STK32B: variants seen among roughly 807,000 people sequenced by gnomAD.
STK32B encodes the protein serine/threonine-protein kinase 32B.
Under a neutral mutation model 52.6 loss-of-function variants are expected in STK32B, and 43 were observed. That is an observed-to-expected ratio of 0.82 (90% CI 0.64 to 1.05). The LOEUF (loss-of-function observed/expected upper bound fraction) is 1.05. STK32B is among the 50% of genes least tolerant of loss of function. The pLI is 0.00. For missense variants in STK32B, 621 were observed against 534.6 expected, an observed-to-expected ratio of 1.16 and a Z score of -1.59; for synonymous variants, 238 against 204.3, an observed-to-expected ratio of 1.17 and a Z score of -1.41.
At chr4:5,341,867 T>C (rs935851131) in intron 4 of STK32B, among the ~76,000 whole-genome samples, 7 of 152,050 alleles carry the variant, frequency 4.6e-5, no homozygotes, top group Admixed American at 3.9e-4. Flanking sequence ...TAAAAATACT[T>C]TAAATTCTAG....
At chr4:5,238,661 C>A (rs958794116) in intron 3 of STK32B, among the ~76,000 whole-genome samples, 1 of 152,120 alleles carries the variant, frequency 6.6e-6, no homozygotes, top group Non-Finnish European at 1.5e-5. Flanking sequence ...TCAAATCTGG[C>A]AATTTAAAAT....
At chr4:5,448,471 C>A (rs922501856) in intron 7 of STK32B, among the ~76,000 whole-genome samples, 2 of 152,218 alleles carry the variant, frequency 1.3e-5, no homozygotes, top group Admixed American at 6.5e-5. Flanking sequence ...ACAGCAATGA[C>A]CTTGGCGAGC....
intron 11 of STK32B, among the ~76,000 whole-genome samples, chr4:5,471,798 A>G (rs902860650): frequency 1.3e-5 from 2 of 151,976 alleles, no homozygotes; most frequent in Admixed American, 6.6e-5. Context: ...AGTCATAAGG[A>G]CCCGTCTAAA....
chr4:5,335,969 C>CT (rs1560330776), intron 4 of STK32B, among the ~76,000 whole-genome samples: 1 of 151,480 alleles, frequency 6.6e-6, no homozygotes, highest in African/African-American at 2.4e-5. Flanking sequence ...ACGCAGACCT[C>CT]TTTCCCAACT....
intron 3 of STK32B, 45 bp from the exon 4 acceptor site, chr4:5,331,175 A>G: frequency 6.4e-7 from 1 of 1,553,830 alleles, no homozygotes. Context: ...GAGGGTGCTG[A>G]AGGTGCCTCC....
At chr4:5,137,112 G>T (rs1336269216) in intron 1 of STK32B, among the ~76,000 whole-genome samples, 1 of 152,198 alleles carries the variant, frequency 6.6e-6, no homozygotes, top group Admixed American at 6.5e-5. Context: ...TAGGAGACAT[G>T]ACAGAGGAGG....
chr4:5,416,298 G>T (rs773131780), intron 5 of STK32B, among the ~76,000 whole-genome samples: 18 of 151,286 alleles, frequency 1.2e-4, no homozygotes, highest in Non-Finnish European at 2.4e-4. Flanking sequence ...CACCTACTTT[G>T]TAGGTGCACC....
intron 3 of STK32B, among the ~76,000 whole-genome samples, chr4:5,174,188 T>C (rs866704763): frequency 1.3e-5 from 2 of 152,212 alleles, no homozygotes; most frequent in Admixed American, 6.5e-5. Context: ...TTTGAGCCTA[T>C]GTGTGTCTCT....
intron 4 of STK32B, among the ~76,000 whole-genome samples, chr4:5,387,842 T>A (rs1736354637): frequency 6.6e-6 from 1 of 152,204 alleles, no homozygotes; most frequent in African/African-American, 2.4e-5. Context: ...CCTCCTGGGT[T>A]CAAGTGATTC....
intron 4 of STK32B, among the ~76,000 whole-genome samples, chr4:5,385,196 G>A (rs1030411370): frequency 6.6e-6 from 1 of 152,094 alleles, no homozygotes; most frequent in African/African-American, 2.4e-5. Context: ...AGAAGAACAG[G>A]AGGGTTTAGA....
intron 3 of STK32B, among the ~76,000 whole-genome samples, chr4:5,298,786 A>G (rs1729371010): frequency 6.6e-6 from 1 of 150,780 alleles, no homozygotes; most frequent in Admixed American, 6.6e-5. Context: ...TCCCCTTTCC[A>G]GGGGAGTGAA....
At chr4:5,068,835 A>G (rs1711585603) in intron 1 of STK32B, among the ~76,000 whole-genome samples, 1 of 152,230 alleles carries the variant, frequency 6.6e-6, no homozygotes, top group Non-Finnish European at 1.5e-5. Flanking sequence ...CGGATGCAAA[A>G]CAATGATATT....
intron 4 of STK32B, among the ~76,000 whole-genome samples, chr4:5,377,882 C>G (rs1735684161): frequency 6.6e-6 from 1 of 152,190 alleles, no homozygotes; most frequent in Admixed American, 6.5e-5. Context: ...ATGAATTACC[C>G]AGTCTCTGGT....
chr4:5,367,998 G>A (rs1316559133), intron 4 of STK32B, among the ~76,000 whole-genome samples: 1 of 152,184 alleles, frequency 6.6e-6, no homozygotes, highest in South Asian at 2.1e-4. Context: ...ACCTTGAAAT[G>A]TGAGTGTGGA....
intron 4 of STK32B, among the ~76,000 whole-genome samples, chr4:5,343,184 G>A (rs550142434): frequency 3.6e-4 from 53 of 145,996 alleles, no homozygotes; most frequent in African/African-American, 1.2e-3. Flanking sequence ...CCACCTATGA[G>A]TGAGAACATG....
At chr4:5,344,990 G>A (rs1376446226) in intron 4 of STK32B, among the ~76,000 whole-genome samples, 5 of 151,720 alleles carry the variant, frequency 3.3e-5, no homozygotes, top group East Asian at 3.9e-4. Flanking sequence ...ACAGTGAGCC[G>A]TGATAGTGCT....
chr4:5,030,926 G>A, the STK32B span, among the ~76,000 whole-genome samples: 2 of 152,220 alleles, frequency 1.3e-5, no homozygotes, highest in Admixed American at 1.3e-4. Flanking sequence ...TGGAGAGAGA[G>A]AGAGAAGGCT....
chr4:5,331,851 G>C (rs1287573799), intron 4 of STK32B, among the ~76,000 whole-genome samples: 1 of 152,186 alleles, frequency 6.6e-6, no homozygotes, highest in Non-Finnish European at 1.5e-5. Flanking sequence ...TAAAAGCTCT[G>C]AGTTTCTGTA....
rs375739358 is a variant in STK32B, at chr4:5,460,118, C to T, written c.799C>T (p.Pro267Ser). The change falls in exon 9 of 12, where the codon CCT becomes TCT. Residue 267 changes from proline to serine, a missense_variant. By Grantham distance (74) the Pro-to-Ser change is moderately conservative. Transcript: ENST00000282908. The surrounding 1 kb of genome is among the most constrained non-coding windows in gnomAD (Gnocchi z 4.8). ...CTAACTGCAGCTCCTGACCAAGGAT[C>T]CTGAGAGCCGCGTGTCCAGCCTTCA... is the stretch of plus-strand genomic sequence containing the variant. ...ALLRKLLTKD[P>S]ESRVSSLHDI... The T allele has an allele frequency of 1.2e-6, 2 of 1,614,104 alleles. No individual in the cohort carries two copies. Among genetic ancestry groups the T allele is most frequent in the African/African-American group, 2.7e-5 (2 of 74,916 alleles).
Sources: allele counts gnomAD v4.1 joint callset (sites outside exome capture counted in the v4.1 genomes callset), GRCh38; gene constraint gnomAD v4.1.1; non-coding constraint Gnocchi (gnomAD v3.1); transcripts MANE v1.5; gene names NCBI Gene and HGNC (gene_info 2026-07-23, HGNC 2026-07-21).